Variants in FBXO7 observed in about 807,000 individuals in gnomAD.
FBXO7 encodes the protein F-box only protein 7.
Under a neutral mutation model 50.2 loss-of-function variants are expected in FBXO7, and 31 were observed. The ratio of observed to expected loss-of-function variants is 0.62; its 90% CI spans 0.46 to 0.83. The LOEUF is 0.83. Ranked by LOEUF, FBXO7 falls within the 40% of genes least tolerant of loss-of-function variation. FBXO7 has a pLI of 0.00. For missense variants in FBXO7, 667 were observed against 646.6 expected (o/e 1.03, Z -0.34); for synonymous variants, 256 against 253.1 (o/e 1.01, Z -0.11).
chr22:32,496,197 C>T (rs747256375), intron 8 of FBXO7, among the ~76,000 whole-genome samples: 3 of 152,156 alleles, frequency 2.0e-5, no homozygotes, highest in Non-Finnish European at 2.9e-5. Flanking sequence ...TATGCTAAAT[C>T]AGGCCGGGTG....
Position 32,485,212 on chromosome 22 carries a change from A to G in FBXO7, c.787+3A>G, listed in dbSNP as rs2057491360. The stretch of plus-strand genomic sequence containing the variant: ...GGGAAACCTGATTGTTGTAAATGGT[A>G]ATTGGATAGCATAGTCATGGTTGCT... On this transcript the variant is annotated splice_donor_region_variant and intron_variant, in intron 4 of 8. Coordinates refer to ENST00000266087, the MANE Select transcript of FBXO7 (RefSeq NM_012179.4). 6.2e-7 allele frequency: 1 copy of G among 1,614,104 alleles called. No homozygotes were observed. The highest frequency in any genetic ancestry group is 1.3e-5 in the African/African-American group (1 of 75,038).
chr22:32,478,623 G>C lies in FBXO7; in HGVS notation c.123-358G>C, dbSNP rs113468308. Among the ~76,000 whole-genome samples, 265 of 152,310 alleles carry C rather than the reference G, an allele frequency of 1.7e-3. 1 individual carries two copies. Among genetic ancestry groups the C allele is most frequent in the African/African-American group, 6.0e-3 (251 of 41,566 alleles). On this transcript the variant is annotated intron_variant, in intron 1 of 8. Transcript: ENST00000266087. ...TAGTCCTAGCTCCTCTGGAGGCTGA[G>C]GTGAGAGGATTGCTTGAGCCCAGGA... is the stretch of plus-strand genomic sequence containing the variant.
chr22:32,478,931 G>A, intron 1 of FBXO7, 50 bp from the exon 2 acceptor site: 3 of 1,510,974 alleles, frequency 2.0e-6, no homozygotes, highest in African/African-American at 1.4e-5. Context: ...TGCTATTGAA[G>A]GTATTAGAAG....
Position 32,493,413 on chromosome 22 carries a change from C to G in FBXO7, c.1144+132C>G, listed in dbSNP as rs902768226. ...ATAAATAGCCTTAAAGAGACTGACT[C>G]TAAGCTTCATATACCTGTGCCTGTG... On this transcript the variant is annotated intron_variant, in intron 7 of 8. Transcript: ENST00000266087. 67 of 768,696 alleles carry G rather than the reference C, an allele frequency of 8.7e-5. No individual in the cohort carries two copies. Among genetic ancestry groups the G allele is most frequent in the Non-Finnish European group, 1.3e-4 (59 of 440,630 alleles). The allele number at this position is 768,696 out of a possible 1,614,324, so 47.6% of individuals were successfully genotyped here. A position where few individuals can be genotyped will look rare whatever the true frequency, so the allele number is the denominator to read the frequency against.
At chr22:32,496,856 G>A (rs114849361) in intron 8 of FBXO7, among the ~76,000 whole-genome samples, 2,578 of 152,308 alleles carry the variant, frequency 0.017, 83 homozygotes, top group African/African-American at 0.058. Flanking sequence ...GATGGATCTG[G>A]ACAAAGGAAA....
chr22:32,488,363 T>A (rs1386567854), intron 5 of FBXO7: 1 of 153,010 alleles, frequency 6.5e-6, no homozygotes, highest in Non-Finnish European at 1.5e-5. Flanking sequence ...TCTATAAAAT[T>A]ATTAATAGAT....
chr22:32,498,145 T>A lies in FBXO7; in HGVS notation c.1184T>A (p.Leu395Gln). ...VRVQDTDWKE[L>Q]YRKRHIQRKE... The stretch of plus-strand genomic sequence containing the variant: ...CTTTTATTTTTCTTTTTTCTACAGC[T>A]GTACAGGAAGAGGCACATACAAAGA... The change falls in exon 9 of 9, where the codon CTG (leucine) becomes CAG (glutamine). Residue 395 changes from leucine to glutamine, a missense_variant and splice_region_variant. By Grantham distance (113) the Leu-to-Gln change is moderately radical. Coordinates refer to ENST00000266087, the MANE Select transcript of FBXO7 (RefSeq NM_012179.4). 6.2e-7 allele frequency: 1 copy of A among 1,614,172 alleles called. No individual in the cohort carries two copies. Among genetic ancestry groups the A allele is most frequent in the Non-Finnish European group, 8.5e-7 (1 of 1,180,008 alleles).
intron 2 of FBXO7, 31 bp from the exon 3 acceptor site, chr22:32,483,866 A>G: frequency 7.0e-6 from 11 of 1,569,950 alleles, no homozygotes; most frequent in Non-Finnish European, 9.6e-6. Flanking sequence ...TAAGTCTTTA[A>G]TTAATTCATT....
At chr22:32,488,085 T>C (rs2057510718) in intron 5 of FBXO7, 1 of 390,584 alleles carries the variant, frequency 2.6e-6, no homozygotes, top group South Asian at 2.5e-5. Flanking sequence ...AACACTAGTA[T>C]GTAATTTATT....
At chr22:32,478,867 TTCA>T (rs2057444994) in intron 1 of FBXO7, 111 bp from the exon 2 acceptor site, 1 of 1,045,582 alleles carries the variant, frequency 9.6e-7, no homozygotes, top group East Asian at 2.4e-5. Flanking sequence ...ACCTTGTCTC[TTCA>T]TCACTTAGTT....
chr22:32,481,047 A>G (rs1329720335), intron 2 of FBXO7, among the ~76,000 whole-genome samples: 1 of 152,098 alleles, frequency 6.6e-6, no homozygotes, highest in East Asian at 1.9e-4. Flanking sequence ...CTTCTTGTTA[A>G]TTGGTTTTTG....
intron 5 of FBXO7, chr22:32,489,226 C>T (rs1037908389): frequency 1.3e-5 from 2 of 152,232 alleles, no homozygotes; most frequent in African/African-American, 4.8e-5. Flanking sequence ...AATTTCATAC[C>T]ACAAATATAG....
chr22:32,479,161 T>C lies in FBXO7; in HGVS notation c.303T>C (p.Asn101=), dbSNP rs373293691. 91 of 1,614,116 alleles carry C rather than the reference T, an allele frequency of 5.6e-5. 1 individual carries two copies. The Admixed American group carries it at 1.2e-3, about 21-fold the overall frequency. The change falls in exon 2 of 9, where the codon AAT becomes AAC. Residue 101 remains asparagine (N), a synonymous_variant. Transcript: ENST00000266087. ...TDSEHSSLQN[N]EQPSLATSSN... is the part of the protein sequence containing the mutation. ...CAGAGCATTCTTCACTCCAGAATAA[T>C]GAGCAACCCTCTTTGGCCACCAGCT...
Position 32,493,287 on chromosome 22 carries a change from T to C in FBXO7, c.1144+6T>C. 7.4e-6 allele frequency: 12 copies of C among 1,613,018 alleles called. No individual in the cohort carries two copies. The highest frequency in any genetic ancestry group is 1.0e-5 in the Non-Finnish European group (12 of 1,178,982). ...ATATCTGCGTGATTTTCGAGGTGAT[T>C]TCCGTAATGACATATTCACAAGAAA... On this transcript the variant is annotated splice_donor_region_variant and intron_variant, in intron 7 of 8. Transcript: ENST00000266087.
rs2057489688 is a variant in FBXO7 at position 32,485,071 on chromosome 22, ACCGAAGCCAAAGCACTGT to A, written c.652_669del (p.Glu218_Ser223del). 1 of 1,614,008 alleles carries A rather than the reference ACCGAAGCCAAAGCACTGT, an allele frequency of 6.2e-7. No individual in the cohort carries two copies. On this transcript the variant is annotated inframe_deletion, in exon 4 of 9. Coordinates refer to ENST00000266087, the MANE Select transcript of FBXO7 (RefSeq NM_012179.4). ...TCCCTTTCATTTCGTTCCCCAGGGC[ACCGAAGCCAAAGCACTGT>A]CCATGCCGGAGAAGTGGAAGTTGAG...
intron 1 of FBXO7, among the ~76,000 whole-genome samples, chr22:32,476,232 A>T (rs62241253): frequency 0.14 from 21,114 of 151,988 alleles, 1,943 homozygotes; most frequent in Non-Finnish European, 0.22. Context: ...TAAGATACTG[A>T]CATAACTCCT....
At chr22:32,494,607 AAAAG>A (rs753296792) in intron 7 of FBXO7, among the ~76,000 whole-genome samples, 2 of 147,556 alleles carry the variant, frequency 1.4e-5, no homozygotes, top group Non-Finnish European at 3.1e-5. Flanking sequence ...ATATAGTAAA[AAAAG>A]AAAAGACAGA....
chr22:32,475,435 C>T (rs2057421464), intron 1 of FBXO7: 1 of 1,607,844 alleles, frequency 6.2e-7, no homozygotes, highest in Non-Finnish European at 8.5e-7. Flanking sequence ...TAAACGGAAC[C>T]AGGGAGAGGA....
At position 32,474,823 on chromosome 22, in the gene FBXO7, A is replaced by T; in HGVS notation, c.-180A>T. ...GAGAGGGGCGGGCGCTCTATTCCAG[A>T]GACCGAGTGGCAGGGCGGCCACTGT... On this transcript the variant is annotated 5_prime_UTR_variant, in exon 1 of 9. Coordinates refer to ENST00000266087, the MANE Select transcript of FBXO7 (RefSeq NM_012179.4). The T allele has an allele frequency of 1.6e-6, 1 of 626,952 alleles. No individual in the cohort carries two copies. Among genetic ancestry groups the T allele is most frequent in the Non-Finnish European group, 2.7e-6 (1 of 376,192 alleles). 38.8% of individuals were successfully genotyped at this position (626,952 alleles called of 1,614,324 possible).
Sources: gnomAD v4.1 joint callset for allele counts (sites outside exome capture counted in the v4.1 genomes callset) on GRCh38, gnomAD v4.1.1 for gene constraint, MANE v1.5 for transcripts, NCBI Gene and HGNC (gene_info 2026-07-23, HGNC 2026-07-21) for gene names.